Variants in DIP2A observed in about 807,000 individuals in gnomAD.
DIP2A encodes the protein DIP2 acetate--CoA ligase A.
DIP2A carries 85 observed loss-of-function variants against 177.4 expected under a neutral mutation model. The ratio of observed to expected loss-of-function variants is 0.48; its 90% CI spans 0.40 to 0.57. DIP2A has a LOEUF of 0.57. DIP2A is among the 20% of genes least tolerant of loss of function. The pLI, the probability that DIP2A is intolerant of heterozygous loss-of-function variation, is 0.00. For missense variants in DIP2A, 1,791 were observed against 2,100.2 expected, an observed-to-expected ratio of 0.85 and a Z score of 2.88; for synonymous variants, 886 against 881.8, an observed-to-expected ratio of 1.00 and a Z score of -0.08.
At chr21:46,565,666 C>A in intron 35 of DIP2A, 47 bp from the exon 36 acceptor site, 1 of 1,557,494 alleles carries the variant, frequency 6.4e-7, no homozygotes, top group Non-Finnish European at 8.7e-7. Context: ...AGAATCTGAA[C>A]TCGGTGGTTG....
intron 8 of DIP2A, among the ~76,000 whole-genome samples, chr21:46,512,336 C>G (rs2058350030): frequency 6.6e-6 from 1 of 152,112 alleles, no homozygotes; most frequent in Admixed American, 6.6e-5. Context: ...AATGCAGAAG[C>G]AGAATTGTTC....
At chr21:46,576,744 CTG>C in the DIP2A span, among the ~76,000 whole-genome samples, 7 of 152,290 alleles carry the variant, frequency 4.6e-5, no homozygotes, top group African/African-American at 1.2e-4. Flanking sequence ...CCCATCAACA[CTG>C]TAAATGCATT....
At chr21:46,542,794 C>A (rs114047891) in intron 18 of DIP2A, among the ~76,000 whole-genome samples, 9 of 152,258 alleles carry the variant, frequency 5.9e-5, no homozygotes, top group East Asian at 3.8e-4. Context: ...CAGTCTCCCC[C>A]CTTCCAATGC....
At position 46,511,402 on chromosome 21, in the gene DIP2A, T is replaced by C; in HGVS notation, c.905-15T>C. 2 of 1,593,886 alleles carry C rather than the reference T, an allele frequency of 1.3e-6. No individual in the cohort carries two copies. The highest frequency in any genetic ancestry group is 1.3e-5 in the African/African-American group (1 of 74,506). ...CTCTGAATTGCTGATTTTAAAGTTTTGATTTTGCTTGTAGTTCAGCAACCA... is the reference window on the plus strand; with the variant it reads ...CTCTGAATTGCTGATTTTAAAGTTTCGATTTTGCTTGTAGTTCAGCAACCA... On this transcript the variant is annotated splice_polypyrimidine_tract_variant and intron_variant, in intron 7 of 37. Coordinates refer to ENST00000417564, the MANE Select transcript of DIP2A (RefSeq NM_015151.4).
chr21:46,498,735 A>G lies in DIP2A; in HGVS notation c.557A>G (p.His186Arg). ...TSSSASSTSS[H>R]PGGRPTTAPS... is the part of the protein sequence containing the mutation. ...TCCTCTGCATCCTCCACCTCATCTC[A>G]CCCGGGAGGGAGACCCACCACTGCT... The change falls in exon 5 of 38, where the codon CAC becomes CGC. Residue 186 changes from histidine (H) to arginine (R), a missense_variant. His to Arg is a conservative substitution (Grantham distance 29, BLOSUM62 0). Transcript: ENST00000417564. The surrounding 1 kb of genome is among the most constrained non-coding windows in gnomAD (Gnocchi z 4.3). 1 of 1,612,422 alleles carries G rather than the reference A, an allele frequency of 6.2e-7. No individual in the cohort carries two copies.
At position 46,549,883 on chromosome 21, in the gene DIP2A, C is replaced by A; in HGVS notation, c.2635C>A (p.Gln879Lys). Reference sequence around the variant, plus strand: ...CTTCCAGTGGATGAGCCGTGTGCTGCAGGTGGGCGCCCCGGCACGGCCTAT... The same window carrying A: ...CTTCCAGTGGATGAGCCGTGTGCTGAAGGTGGGCGCCCCGGCACGGCCTAT... ...DSFQWMSRVL[Q>K]AIDSIHQVGV... The change falls in exon 22 of 38, where the codon CAG (glutamine) becomes AAG (lysine). Residue 879 changes from glutamine (Q) to lysine (K), a missense_variant and splice_region_variant. Coordinates refer to ENST00000417564, the MANE Select transcript of DIP2A (RefSeq NM_015151.4). The A allele has an allele frequency of 6.2e-7, 1 of 1,610,552 alleles. No individual in the cohort carries two copies.
At chr21:46,544,374 A>AG (rs1001263417) in intron 18 of DIP2A, among the ~76,000 whole-genome samples, 1 of 152,164 alleles carries the variant, frequency 6.6e-6, no homozygotes, top group Admixed American at 6.5e-5. Flanking sequence ...TTGTCAGTAG[A>AG]GGGTGGTTCA....
rs980726214 is a variant in DIP2A, at chr21:46,568,571, C to T, written c.*949C>T. 1 of 152,176 alleles carries T rather than the reference C, an allele frequency of 6.6e-6. No individual in the cohort carries two copies. The highest frequency in any genetic ancestry group is 1.5e-5 in the Non-Finnish European group (1 of 68,036). The allele number at this position is 152,176 out of a possible 1,614,324, so 9.4% of individuals were successfully genotyped here. ...TTGTCAGCATGTATTGTCACGGACA[C>T]TCAATAAGTGCCATTTTGGACTGTC... On this transcript the variant is annotated 3_prime_UTR_variant, in exon 38 of 38. Coordinates refer to ENST00000417564, the MANE Select transcript of DIP2A (RefSeq NM_015151.4).
Position 46,484,744 on chromosome 21 carries a change from A to G in DIP2A, c.92-13A>G, listed in dbSNP as rs771981002. ...TAGAAGAAATGCAATTCTTTTTTCC[A>G]TTGTTGTTTTAGGTGACATCACTCA... On this transcript the variant is annotated splice_polypyrimidine_tract_variant and intron_variant, in intron 1 of 37. Coordinates refer to ENST00000417564, the MANE Select transcript of DIP2A (RefSeq NM_015151.4). The G allele has an allele frequency of 1.1e-5, 17 of 1,546,966 alleles. No homozygotes were observed. In the East Asian group the frequency reaches 3.1e-4, roughly 28 times the overall value.
chr21:46,573,523 A>G (rs1011290977), downstream of DIP2A, among the ~76,000 whole-genome samples: 1 of 151,562 alleles, frequency 6.6e-6, no homozygotes, highest in Non-Finnish European at 1.5e-5. Context: ...TTAGCTGGGC[A>G]TTGTGGCTTT....
rs1421139995 is a variant in DIP2A, at chr21:46,554,850, C to T, written c.3305C>T (p.Thr1102Met). ...AGCAAGTCTGCATGCGTCCTCACCA[C>T]GCAGGCTGTCACACGGCTGCTCAGG... is the stretch of plus-strand genomic sequence containing the variant. ...EVSKSACVLT[T>M]QAVTRLLRSK... Residue 1102 changes from threonine (T) to methionine (M), a missense_variant, in exon 28 of 38, where the codon ACG becomes ATG. Thr to Met is a moderately conservative substitution (Grantham distance 81, BLOSUM62 -1). Transcript: ENST00000417564. 1.9e-5 allele frequency: 30 copies of T among 1,549,182 alleles called. No homozygotes were observed. Among genetic ancestry groups the T allele is most frequent in the Admixed American group, 3.9e-5 (2 of 50,968 alleles).
intron 35 of DIP2A, 101 bp from the exon 36 acceptor site, chr21:46,565,612 G>A: frequency 2.4e-6 from 3 of 1,238,800 alleles, no homozygotes; most frequent in Non-Finnish European, 3.3e-6. Flanking sequence ...ACTTCGTTCA[G>A]TGTTTTCTGG....
intron 32 of DIP2A, among the ~76,000 whole-genome samples, chr21:46,560,201 T>C (rs1465552472): frequency 6.6e-6 from 1 of 152,232 alleles, no homozygotes; most frequent in Non-Finnish European, 1.5e-5. Flanking sequence ...ATGTTCCTTA[T>C]TGAATAAAAT....
intron 9 of DIP2A, among the ~76,000 whole-genome samples, chr21:46,529,609 A>G (rs995855355): frequency 1.3e-5 from 2 of 151,930 alleles, no homozygotes; most frequent in African/African-American, 4.8e-5. Flanking sequence ...CAAAGAGAAA[A>G]AAAAAAAAAA....
In DIP2A at chr21:46,490,598, A is replaced by C. The variant is rs2056954651; in HGVS notation, c.164-2A>C. 1 of 1,555,444 alleles carries C rather than the reference A, an allele frequency of 6.4e-7. No individual in the cohort carries two copies. Among genetic ancestry groups the C allele is most frequent in the Non-Finnish European group, 8.7e-7 (1 of 1,150,690 alleles). The stretch of plus-strand genomic sequence containing the variant: ...AGGTATTCCCATAAAATTGTGTTTC[A>C]GGAATAGACCCATCTCTGCAAGCAG... On this transcript the variant is annotated splice_acceptor_variant, in intron 2 of 37. Transcript: ENST00000417564. LOFTEE classifies it high-confidence loss of function.
chr21:46,550,414 A>C, intron 22 of DIP2A, 129 bp from the exon 23 acceptor site: 1 of 825,368 alleles, frequency 1.2e-6, no homozygotes, highest in Non-Finnish European at 1.9e-6. Context: ...CATTTAACAA[A>C]GTGTCCAGAG....
chr21:46,529,462 G>A (rs1485612768), intron 9 of DIP2A, among the ~76,000 whole-genome samples: 7 of 152,024 alleles, frequency 4.6e-5, no homozygotes, highest in African/African-American at 1.2e-4. Flanking sequence ...TTAGCTGGGC[G>A]TGGTGGTGCG....
intron 4 of DIP2A, 103 bp downstream of exon 4, chr21:46,497,210 A>G (rs2057406748): frequency 7.2e-7 from 1 of 1,382,624 alleles, no homozygotes; most frequent in Non-Finnish European, 9.7e-7. Flanking sequence ...TCTGGCCTGT[A>G]GTATAGATTG....
Position 46,482,798 on chromosome 21 carries a change from A to G in DIP2A, c.92-1959A>G, listed in dbSNP as rs1210371206. ...CTAGGGATTTGGCATCTGTGATCCT[A>G]AGTGAGATTCTTCTGCAGCAGTGGA... On this transcript the variant is annotated intron_variant, in intron 1 of 37. Coordinates refer to ENST00000417564, the MANE Select transcript of DIP2A (RefSeq NM_015151.4). 2.0e-5 allele frequency among the ~76,000 whole-genome samples: 3 copies of G among 152,196 alleles called. No homozygotes were observed. In the East Asian group the frequency reaches 5.8e-4, roughly 29 times the overall value.
Sources: allele counts gnomAD v4.1 joint callset (sites outside exome capture counted in the v4.1 genomes callset), GRCh38; gene constraint gnomAD v4.1.1; non-coding constraint Gnocchi (gnomAD v3.1); transcripts MANE v1.5; gene names NCBI Gene and HGNC (gene_info 2026-07-23, HGNC 2026-07-21).